The following AUH variants were observed in gnomAD, a reference collection of about 807,000 sequenced individuals.
AUH encodes AU RNA binding methylglutaconyl-CoA hydratase.
In AUH, 29 loss-of-function variants were observed where a neutral mutation model predicts 42.3. The observed-to-expected ratio is 0.69, with a 90% CI of 0.51 to 0.93. The LOEUF is 0.93. Ranked by LOEUF, AUH falls within the 40% of genes least tolerant of loss-of-function variation. AUH has a pLI of 0.00. For missense variants in AUH, 452 were observed against 438.1 expected (o/e 1.03, Z -0.28); for synonymous variants, 174 against 166.4 (o/e 1.05, Z -0.35).
chr9:91,360,349 A>G (rs1832755289), intron 1 of AUH: 2 of 152,168 alleles, frequency 1.3e-5, no homozygotes, highest in South Asian at 4.1e-4. Flanking sequence ...ATTTCTTACT[A>G]TTCTGCTTAT....
intron 6 of AUH, among the ~76,000 whole-genome samples, chr9:91,273,630 G>A (rs1825327307): frequency 6.6e-6 from 1 of 152,174 alleles, no homozygotes; most frequent in Non-Finnish European, 1.5e-5. Context: ...CCAAATTGAA[G>A]TATTTAAAAC....
chr9:91,266,180 G>A (rs1829967605), intron 6 of AUH, among the ~76,000 whole-genome samples: 1 of 152,024 alleles, frequency 6.6e-6, no homozygotes, highest in African/African-American at 2.4e-5. Flanking sequence ...GGCCAACATG[G>A]TGAAAAGCCG....
chr9:91,221,948 C>CA (rs748038131), intron 6 of AUH, among the ~76,000 whole-genome samples: 13 of 152,190 alleles, frequency 8.5e-5, no homozygotes, highest in Non-Finnish European at 1.6e-4. Flanking sequence ...AAAACAGCTT[C>CA]AACATCAGCA....
intron 6 of AUH, among the ~76,000 whole-genome samples, chr9:91,291,282 C>T (rs1826858533): frequency 6.6e-6 from 1 of 152,070 alleles, no homozygotes; most frequent in African/African-American, 2.4e-5. Flanking sequence ...GCTTTTCCTT[C>T]CAGGCTGACA....
intron 6 of AUH, among the ~76,000 whole-genome samples, chr9:91,266,240 T>C (rs978942873): frequency 6.6e-6 from 1 of 152,018 alleles, no homozygotes; most frequent in African/African-American, 2.4e-5. Context: ...CAGACGCCTG[T>C]AATCCCAGCT....
At position 91,361,859 on chromosome 9, in the gene AUH, C is replaced by A; in HGVS notation, c.31G>T (p.Ala11Ser). The A allele has an allele frequency of 2.0e-6, 3 of 1,476,950 alleles. No individual in the cohort carries two copies. The highest frequency in any genetic ancestry group is 2.4e-5 in the Admixed American group (1 of 41,468). The allele number at this position is 1,476,950 out of a possible 1,614,324, so 91.5% of individuals were successfully genotyped here. Residue 11 changes from alanine (A) to serine (S), a missense_variant, in exon 1 of 10, where the codon GCC (alanine) becomes TCC (serine). Physicochemically the swap from Ala to Ser is moderately conservative, Grantham distance 99 (BLOSUM62 1). Coordinates refer to ENST00000375731, the MANE Select transcript of AUH (RefSeq NM_001698.3). MAAAVAAAPGALGSLHAGGAR... is the reference protein window; with the variant it reads MAAAVAAAPGSLGSLHAGGAR... ...CCGCCAGCATGCAGGGATCCCAAGG[C>A]CCCAGGTGCCGCCGCCACCGCGGCC...
chr9:91,237,638 C>A (rs1307370646), intron 6 of AUH, among the ~76,000 whole-genome samples: 1 of 152,112 alleles, frequency 6.6e-6, no homozygotes, highest in Non-Finnish European at 1.5e-5. Context: ...GTATGACAAC[C>A]CACTGCAGTT....
At chr9:91,257,192 T>C (rs1312557296) in intron 6 of AUH, among the ~76,000 whole-genome samples, 1 of 152,000 alleles carries the variant, frequency 6.6e-6, no homozygotes, top group East Asian at 1.9e-4. Flanking sequence ...TGAACCAGGG[T>C]AGCAGTATTA....
rs377561439 is a variant in AUH at position 91,355,880 on chromosome 9, T to C, written c.418+3A>G. ...AATTTCATAATACAACATATTTACA[T>C]ACCAGCACAGAATATCCCTGGGACT... On this transcript the variant is annotated splice_donor_region_variant and intron_variant, in intron 3 of 9. Transcript: ENST00000375731. 10 of 1,601,976 alleles carry C rather than the reference T, an allele frequency of 6.2e-6. No homozygotes were observed. In the African/African-American group the frequency reaches 6.7e-5, roughly 11 times the overall value.
At chr9:91,342,764 C>T (rs994231952) in intron 3 of AUH, 1 of 152,158 alleles carries the variant, frequency 6.6e-6, no homozygotes. Context: ...GCATCTCTGA[C>T]GTGCTCAAAT....
At chr9:91,217,919 G>C (rs1334492546) in intron 7 of AUH, among the ~76,000 whole-genome samples, 2 of 152,160 alleles carry the variant, frequency 1.3e-5, no homozygotes, top group East Asian at 3.9e-4. Context: ...GAATGAACTG[G>C]ATATCTGTTG....
chr9:91,235,530 C>A (rs1289013357), intron 6 of AUH, among the ~76,000 whole-genome samples: 2 of 152,102 alleles, frequency 1.3e-5, no homozygotes, highest in African/African-American at 4.8e-5. Flanking sequence ...AGACTGGACA[C>A]AGAGAATAAG....
chr9:91,324,152 C>T (rs943476561), intron 4 of AUH, among the ~76,000 whole-genome samples: 6 of 152,002 alleles, frequency 3.9e-5, no homozygotes, highest in Non-Finnish European at 8.8e-5. Flanking sequence ...TTTAAATAAA[C>T]AAGTAGTTAT....
At chr9:91,345,661 G>A (rs1229024301) in intron 3 of AUH, among the ~76,000 whole-genome samples, 3 of 151,416 alleles carry the variant, frequency 2.0e-5, no homozygotes, top group Admixed American at 6.6e-5. Flanking sequence ...GTGAAACCCC[G>A]TCTCTACTAA....
chr9:91,274,015 G>C (rs1036740305), intron 6 of AUH, among the ~76,000 whole-genome samples: 2 of 152,174 alleles, frequency 1.3e-5, no homozygotes, highest in African/African-American at 4.8e-5. Context: ...GGGCACACAA[G>C]AGAAGGTCTC....
chr9:91,248,537 G>T (rs1828924193), intron 6 of AUH, among the ~76,000 whole-genome samples: 1 of 152,196 alleles, frequency 6.6e-6, no homozygotes, highest in African/African-American at 2.4e-5. Flanking sequence ...GGGGTAGTGG[G>T]AATATGGTCT....
At chr9:91,319,228 T>C (rs1829388408) in intron 4 of AUH, among the ~76,000 whole-genome samples, 3 of 152,378 alleles carry the variant, frequency 2.0e-5, no homozygotes, top group South Asian at 4.1e-4. Flanking sequence ...ATTGTTGCTT[T>C]AGTTCAACAT....
chr9:91,251,456 T>C (rs902251959), intron 6 of AUH, among the ~76,000 whole-genome samples: 3 of 152,228 alleles, frequency 2.0e-5, no homozygotes, highest in African/African-American at 7.2e-5. Flanking sequence ...ATGATGGGTC[T>C]TTACTATTTA....
At chr9:91,351,162 G>C (rs1265917113) in intron 3 of AUH, among the ~76,000 whole-genome samples, 1 of 152,018 alleles carries the variant, frequency 6.6e-6, no homozygotes, top group African/African-American at 2.4e-5. Flanking sequence ...GGAGAGACAG[G>C]GTTTTGCCAT....
Sources: allele counts gnomAD v4.1 joint callset (sites outside exome capture counted in the v4.1 genomes callset), GRCh38; gene constraint gnomAD v4.1.1; transcripts MANE v1.5; gene names NCBI Gene and HGNC (gene_info 2026-07-23, HGNC 2026-07-21).